The following CERKL variants were observed in gnomAD, a reference collection of about 807,000 sequenced individuals.
CERKL encodes the protein ceramide kinase-like protein.
In CERKL, 61 loss-of-function variants were observed where a neutral mutation model predicts 63.4. That is an observed-to-expected ratio of 0.96 (90% CI 0.78 to 1.19). CERKL has a LOEUF of 1.19. Among genes scored for constraint, CERKL ranks in the 50% most tolerant of loss-of-function variants. The probability of loss-of-function intolerance (pLI) is 0.00; values close to 1 mark genes in which losing one functional copy is unlikely to be tolerated. For synonymous variants in CERKL, 250 were observed against 230.5 expected (o/e 1.08, Z -0.77); for missense variants, 675 against 655.5 (o/e 1.03, Z -0.33).
intron 2 of CERKL, among the ~76,000 whole-genome samples, chr2:181,581,545 C>T (rs1254413721): frequency 2.0e-5 from 3 of 152,270 alleles, no homozygotes; most frequent in South Asian, 4.1e-4. Context: ...TGATCAAAAG[C>T]AATATTATAT....
intron 4 of CERKL, chr2:181,565,384 A>G: frequency 7.5e-7 from 1 of 1,340,202 alleles, no homozygotes; most frequent in East Asian, 2.3e-5. Flanking sequence ...ACTTTAGCAA[A>G]TTGGTTCACC....
chr2:181,596,897 G>A (rs1431678571), intron 2 of CERKL, among the ~76,000 whole-genome samples: 1 of 152,108 alleles, frequency 6.6e-6, no homozygotes, highest in Non-Finnish European at 1.5e-5. Flanking sequence ...GTCCTAAGAA[G>A]GATGAAATTC....
At chr2:181,602,677 C>G (rs1422308447) in intron 2 of CERKL, among the ~76,000 whole-genome samples, 2 of 152,186 alleles carry the variant, frequency 1.3e-5, no homozygotes, top group African/African-American at 2.4e-5. Context: ...CTTTGATCAA[C>G]TTGGGTCCTC....
chr2:181,599,985 C>T (rs1326969921), intron 2 of CERKL, among the ~76,000 whole-genome samples: 1 of 152,166 alleles, frequency 6.6e-6, no homozygotes, highest in East Asian at 1.9e-4. Flanking sequence ...GAAATCCAAT[C>T]AGACTAATAG....
At chr2:181,603,013 G>T (rs927548523) in intron 2 of CERKL, 4 of 168,086 alleles carry the variant, frequency 2.4e-5, no homozygotes, top group Non-Finnish European at 5.3e-5. Flanking sequence ...TATTTAGTAT[G>T]CAAAATATGA....
At chr2:181,642,296 G>T (rs577193165) in intron 1 of CERKL, among the ~76,000 whole-genome samples, 1 of 152,172 alleles carries the variant, frequency 6.6e-6, no homozygotes, top group African/African-American at 2.4e-5. Flanking sequence ...TCTCACTTGG[G>T]GTGTACACAA....
rs375617532 is a variant in CERKL at position 181,548,496 on chromosome 2, T to C, written c.1133+49A>G. 73 of 1,294,900 alleles carry C rather than the reference T, an allele frequency of 5.6e-5. No individual in the cohort carries two copies. In the African/African-American group the frequency reaches 1.0e-3, roughly 18 times the overall value. The allele number at this position is 1,294,900 out of a possible 1,614,324, so 80.2% of individuals were successfully genotyped here. On this transcript the variant is annotated intron_variant, in intron 8 of 12. Coordinates refer to ENST00000410087, the MANE Select transcript of CERKL (RefSeq NM_201548.5). ...TGATCAATTGTTTGTCAGAATGTTT[T>C]ATGCTTTAAAGATACAGGTTATCTG...
rs1688215628 is a variant in CERKL at position 181,657,103 on chromosome 2, G to A, written c.-97C>T. Reference sequence around the variant, plus strand: ...AGCCCCAGCTCTAGCCGCGTCCAGCGCTGCCACAGCAACGGCGCGCAGGGC... The same window carrying A: ...AGCCCCAGCTCTAGCCGCGTCCAGCACTGCCACAGCAACGGCGCGCAGGGC... On this transcript the variant is annotated 5_prime_UTR_variant, in exon 1 of 13. Coordinates refer to ENST00000410087, the MANE Select transcript of CERKL (RefSeq NM_201548.5). 2 of 1,164,674 alleles carry A rather than the reference G, an allele frequency of 1.7e-6. No individual in the cohort carries two copies. The highest frequency in any genetic ancestry group is 2.0e-5 in the Admixed American group (1 of 50,272). 72.1% of individuals were successfully genotyped at this position (1,164,674 alleles called of 1,614,324 possible).
At chr2:181,575,247 C>T (rs529552942) in intron 2 of CERKL, among the ~76,000 whole-genome samples, 1 of 152,336 alleles carries the variant, frequency 6.6e-6, no homozygotes, top group South Asian at 2.1e-4. Context: ...GCGGCTATGG[C>T]TCATTGCTGC....
chr2:181,556,303 T>C (rs1193137100), intron 5 of CERKL, among the ~76,000 whole-genome samples: 1 of 152,036 alleles, frequency 6.6e-6, no homozygotes, highest in Non-Finnish European at 1.5e-5. Context: ...GCAGGTTTGT[T>C]ACATATGTAT....
intron 2 of CERKL, among the ~76,000 whole-genome samples, chr2:181,583,379 T>C (rs557136257): frequency 2.8e-4 from 42 of 152,324 alleles, no homozygotes; most frequent in Non-Finnish European, 1.3e-4. Flanking sequence ...CTCCTTAGCT[T>C]AGCCTCATGA....
At chr2:181,628,764 A>C (rs1044756017) in intron 1 of CERKL, among the ~76,000 whole-genome samples, 2 of 152,174 alleles carry the variant, frequency 1.3e-5, no homozygotes, top group South Asian at 4.1e-4. Flanking sequence ...AGATTATTAT[A>C]ATCTAACCCA....
At chr2:181,575,524 G>T (rs1202215713) in intron 2 of CERKL, among the ~76,000 whole-genome samples, 2 of 152,134 alleles carry the variant, frequency 1.3e-5, no homozygotes, top group East Asian at 1.9e-4. Context: ...AGAGAGGGTG[G>T]TTAATTCTTA....
chr2:181,644,994 T>C (rs7582095), intron 1 of CERKL, among the ~76,000 whole-genome samples: 66,750 of 151,946 alleles, frequency 0.44, 16,280 homozygotes, highest in South Asian at 0.78. Flanking sequence ...TCTTATGCCA[T>C]GTTGAAGAGT....
chr2:181,641,124 T>C (rs538214031), intron 1 of CERKL, among the ~76,000 whole-genome samples: 5 of 152,190 alleles, frequency 3.3e-5, no homozygotes, highest in East Asian at 1.9e-4. Context: ...AAGAAACAGA[T>C]TGAATTTGCC....
intron 1 of CERKL, among the ~76,000 whole-genome samples, chr2:181,621,122 C>A (rs1443587267): frequency 6.6e-6 from 1 of 151,642 alleles, no homozygotes; most frequent in Non-Finnish European, 1.5e-5. Flanking sequence ...TCATTTTTGC[C>A]ATTGAAAAAA....
At chr2:181,635,170 T>C (rs1304256866) in intron 1 of CERKL, among the ~76,000 whole-genome samples, 1 of 152,128 alleles carries the variant, frequency 6.6e-6, no homozygotes, top group Non-Finnish European at 1.5e-5. Context: ...GCCAAGAACA[T>C]TTCATAAAAA....
At chr2:181,626,008 CATT>C (rs1414768426) in intron 1 of CERKL, among the ~76,000 whole-genome samples, 1 of 152,068 alleles carries the variant, frequency 6.6e-6, no homozygotes, top group African/African-American at 2.4e-5. Flanking sequence ...AACTGGGTGC[CATT>C]ATTATGATCC....
chr2:181,625,769 T>C (rs766600660), intron 1 of CERKL, among the ~76,000 whole-genome samples: 2 of 152,226 alleles, frequency 1.3e-5, no homozygotes, highest in Non-Finnish European at 2.9e-5. Flanking sequence ...CATTCATTCA[T>C]TCAACGAATA....
Sources: gnomAD v4.1 joint callset for allele counts (sites outside exome capture counted in the v4.1 genomes callset) on GRCh38, gnomAD v4.1.1 for gene constraint, MANE v1.5 for transcripts, NCBI Gene and HGNC (gene_info 2026-07-23, HGNC 2026-07-21) for gene names.